The following CSMD1 variants were observed in gnomAD, a reference collection of about 807,000 sequenced individuals.
The protein encoded by CSMD1 is CUB and Sushi multiple domains 1.
Under a neutral mutation model 417.5 loss-of-function variants are expected in CSMD1, and 213 were observed. That is an observed-to-expected ratio of 0.51 (90% confidence interval 0.46 to 0.57). CSMD1 has a LOEUF of 0.57. CSMD1 is among the 20% of genes least tolerant of loss of function. The pLI is 0.00. For synonymous variants in CSMD1, 2,862 were observed against 1,736.8 expected (o/e 1.65, Z -16.11); for missense variants, 6,923 against 4,529.7 (o/e 1.53, Z -15.17).
rs530774224 is a variant in CSMD1, at chr8:3,554,524, G to C, written c.1344+20421C>G. Among the ~76,000 whole-genome samples the C allele has an allele frequency of 2.6e-5, 4 of 152,280 alleles. No homozygotes were observed. The East Asian group carries it at 7.8e-4, about 30-fold the overall frequency. On this transcript the variant is annotated intron_variant, in intron 10 of 69. Transcript: ENST00000635120. Reference sequence around the variant, plus strand: ...CAAGGCCACATAAATGTGGAATTGAGATAATTGGTACCCCCAGCTCCTGCT... The same window carrying C: ...CAAGGCCACATAAATGTGGAATTGACATAATTGGTACCCCCAGCTCCTGCT...
chr8:4,215,593 T>C (rs1047943433), intron 3 of CSMD1, among the ~76,000 whole-genome samples: 2 of 152,042 alleles, frequency 1.3e-5, no homozygotes, highest in African/African-American at 4.8e-5. Flanking sequence ...AATTTATACA[T>C]GAAATATGCA....
intron 5 of CSMD1, among the ~76,000 whole-genome samples, chr8:3,768,757 T>C (rs773116888): frequency 5.3e-5 from 8 of 152,242 alleles, no homozygotes; most frequent in Admixed American, 1.3e-4. Flanking sequence ...TCCCACATTA[T>C]TGACACACTC....
Position 4,486,188 on chromosome 8 carries a change from T to C in CSMD1, c.303-66123A>G, listed in dbSNP as rs1201254780. ...ATATATATATATACATACATATATA[T>C]ATATATATATACATACATATATATA... On this transcript the variant is annotated intron_variant, in intron 2 of 69. Transcript: ENST00000635120. Among the ~76,000 whole-genome samples the C allele has an allele frequency of 1.4e-3, 17 of 12,278 alleles. 3 individuals carry two copies. The highest frequency in any genetic ancestry group is 3.6e-3 in the Admixed American group (4 of 1,102). The allele number at this position is 12,278 out of a possible 152,430, so 8.1% of individuals were successfully genotyped here.
chr8:4,669,696 A>G (rs1805171158), intron 1 of CSMD1, among the ~76,000 whole-genome samples: 1 of 152,116 alleles, frequency 6.6e-6, no homozygotes, highest in African/African-American at 2.4e-5. Context: ...TAACTTGAAC[A>G]TTTCTGCTGT....
chr8:3,892,740 C>G (rs4875795), intron 5 of CSMD1, among the ~76,000 whole-genome samples: 1 of 136,052 alleles, frequency 7.4e-6, no homozygotes, highest in Non-Finnish European at 1.5e-5. Flanking sequence ...TTTTTTGCCA[C>G]TTCTGTGCAT....
intron 15 of CSMD1, among the ~76,000 whole-genome samples, chr8:3,401,749 G>C (rs12545711): frequency 6.6e-6 from 1 of 151,804 alleles, no homozygotes; most frequent in Non-Finnish European, 1.5e-5. Flanking sequence ...CAGAAGTTGA[G>C]TACAGCATTT....
intron 1 of CSMD1, among the ~76,000 whole-genome samples, chr8:4,840,298 C>A (rs1251069481): frequency 7.8e-6 from 1 of 128,154 alleles, no homozygotes; most frequent in East Asian, 2.4e-4. Context: ...GCTACTGTTA[C>A]TCTTCCACCT....
chr8:4,442,413 GTA>G (rs1798538850), intron 2 of CSMD1, among the ~76,000 whole-genome samples: 1 of 152,120 alleles, frequency 6.6e-6, no homozygotes, highest in Non-Finnish European at 1.5e-5. Flanking sequence ...AGTCCCCACT[GTA>G]TATATGAACA....
chr8:4,108,042 AG>A (rs1801658109), intron 3 of CSMD1, among the ~76,000 whole-genome samples: 1 of 140,734 alleles, frequency 7.1e-6, no homozygotes, highest in Non-Finnish European at 1.5e-5. Context: ...AGAGAGAGAA[AG>A]AGAGACAGAG....
chr8:3,817,586 T>G (rs765378601), intron 5 of CSMD1, among the ~76,000 whole-genome samples: 1 of 152,006 alleles, frequency 6.6e-6, no homozygotes, highest in African/African-American at 2.4e-5. Context: ...GCCATCTTCT[T>G]TATTTAGAGT....
chr8:3,730,802 C>T (rs1311516615), intron 6 of CSMD1, among the ~76,000 whole-genome samples: 1 of 152,114 alleles, frequency 6.6e-6, no homozygotes, highest in African/African-American at 2.4e-5. Context: ...AATATTTTGA[C>T]ATGTTCAAAA....
rs2554679 is a variant in CSMD1, at chr8:3,993,926, C to G, written c.818+3977G>C. ...TTCCACGTGGAAACGTGCAGCTGAA[C>G]AAATGCACCAGGGATGAAAACGCCC... is the stretch of plus-strand genomic sequence containing the variant. On this transcript the variant is annotated intron_variant, in intron 5 of 69. Coordinates refer to ENST00000635120, the MANE Select transcript of CSMD1 (RefSeq NM_033225.6). 6.3e-3 allele frequency among the ~76,000 whole-genome samples: 966 copies of G among 152,218 alleles called. 23 individuals carry two copies. In the East Asian group the frequency reaches 0.073, roughly 12 times the overall value.
rs10216802 is a variant in CSMD1 at position 4,598,401 on chromosome 8, T to C, written c.302+38941A>G. Among the ~76,000 whole-genome samples the C allele has an allele frequency of 7.7e-3, 1,175 of 152,322 alleles. 8 individuals carry two copies. Among genetic ancestry groups the C allele is most frequent in the Non-Finnish European group, 0.013 (856 of 68,030 alleles). On this transcript the variant is annotated intron_variant, in intron 2 of 69. Coordinates refer to ENST00000635120, the MANE Select transcript of CSMD1 (RefSeq NM_033225.6). ...TAGCTCTAACAGGTGGATGCAGCTC[T>C]GTCATATAAGGTCATGGAAATCACT...
chr8:3,741,369 G>A (rs914381196), intron 6 of CSMD1, among the ~76,000 whole-genome samples: 1 of 152,136 alleles, frequency 6.6e-6, no homozygotes, highest in African/African-American at 2.4e-5. Context: ...GGAGACCGAA[G>A]GGGAATGTAT....
intron 23 of CSMD1, among the ~76,000 whole-genome samples, chr8:3,317,633 G>T (rs1805861451): frequency 6.6e-6 from 1 of 152,142 alleles, no homozygotes; most frequent in South Asian, 2.1e-4. Context: ...GTGTAAGGAT[G>T]GCTCCTTTTG....
At chr8:4,308,669 T>A (rs1162690747) in intron 3 of CSMD1, among the ~76,000 whole-genome samples, 1 of 152,234 alleles carries the variant, frequency 6.6e-6, no homozygotes, top group African/African-American at 2.4e-5. Context: ...TAAGAGGCTT[T>A]ACGCAAATAT....
intron 49 of CSMD1, among the ~76,000 whole-genome samples, chr8:3,068,013 A>C (rs1813062639): frequency 6.6e-6 from 1 of 152,164 alleles, no homozygotes; most frequent in Non-Finnish European, 1.5e-5. Context: ...TTTTTGTTGT[A>C]ATAAATAAAA....
intron 4 of CSMD1, among the ~76,000 whole-genome samples, chr8:4,023,838 C>T (rs1453880334): frequency 1.5e-5 from 2 of 135,838 alleles, no homozygotes; most frequent in East Asian, 4.3e-4. Context: ...AGGATGGCCT[C>T]GATCTCCTGA....
chr8:3,155,358 G>GTTTTTTTTTTTTTTTT (rs763097673), intron 39 of CSMD1, among the ~76,000 whole-genome samples: 14 of 48,102 alleles, frequency 2.9e-4, no homozygotes, highest in Non-Finnish European at 4.6e-4. Flanking sequence ...TCAAGGCTGG[G>GTTTTTTTTTTTTTTTT]ATTTTTTTTT....
Sources: allele counts gnomAD v4.1 joint callset (sites outside exome capture counted in the v4.1 genomes callset), GRCh38; gene constraint gnomAD v4.1.1; transcripts MANE v1.5; gene names NCBI Gene and HGNC (gene_info 2026-07-23, HGNC 2026-07-21).